Variants in DOCK8 observed in about 807,000 individuals in gnomAD.
The protein encoded by DOCK8 is dedicator of cytokinesis protein 8.
DOCK8 carries 141 observed loss-of-function variants against 245.6 expected under a neutral mutation model. The ratio of observed to expected loss-of-function variants is 0.57; its 90% confidence interval spans 0.50 to 0.66. DOCK8 has a LOEUF of 0.66. DOCK8 is among the 30% of genes least tolerant of loss of function. The pLI is 0.00. For missense variants in DOCK8, 2,965 were observed against 2,603.4 expected (o/e 1.14, Z -3.02); for synonymous variants, 1,168 against 970.2 (o/e 1.20, Z -3.79).
intron 14 of DOCK8, among the ~76,000 whole-genome samples, chr9:349,701 A>G (rs1053073912): frequency 3.9e-5 from 6 of 152,218 alleles, no homozygotes; most frequent in African/African-American, 1.4e-4. Context: ...CTCACAGGAC[A>G]CAGACCAGTT....
chr9:313,604 G>A (rs1055829022), intron 6 of DOCK8, among the ~76,000 whole-genome samples: 3 of 152,216 alleles, frequency 2.0e-5, no homozygotes, highest in African/African-American at 7.2e-5. Flanking sequence ...TATAGCAGGG[G>A]CTGTGGGGAG....
chr9:313,939 TA>T, intron 6 of DOCK8, among the ~76,000 whole-genome samples: 1 of 152,180 alleles, frequency 6.6e-6, no homozygotes, highest in Non-Finnish European at 1.5e-5. Flanking sequence ...ACTTGTCAAT[TA>T]AAAAATAAAT....
intron 1 of DOCK8, among the ~76,000 whole-genome samples, chr9:258,497 T>A (rs1482680525): frequency 6.6e-6 from 1 of 151,890 alleles, no homozygotes; most frequent in East Asian, 1.9e-4. Context: ...AGGGAGTGGG[T>A]GCAAGAGCTC....
intron 1 of DOCK8, among the ~76,000 whole-genome samples, chr9:247,643 C>G (rs1302924938): frequency 6.6e-6 from 1 of 152,144 alleles, no homozygotes; most frequent in Non-Finnish European, 1.5e-5. Context: ...ACGCCCTTCT[C>G]CGGCCTCAGC....
chr9:459,121 A>T (rs934624208), intron 46 of DOCK8, among the ~76,000 whole-genome samples: 1 of 152,226 alleles, frequency 6.6e-6, no homozygotes, highest in African/African-American at 2.4e-5. Flanking sequence ...ACTAAGTGAG[A>T]GCAGCACAGA....
At chr9:258,063 CA>C (rs765503373) in intron 1 of DOCK8, among the ~76,000 whole-genome samples, 23 of 152,018 alleles carry the variant, frequency 1.5e-4, no homozygotes, top group Non-Finnish European at 2.6e-4. Flanking sequence ...CAAGGGCAAA[CA>C]AAAACTTTCT....
At chr9:400,433 C>T (rs1385271071) in intron 26 of DOCK8, among the ~76,000 whole-genome samples, 1 of 45,094 alleles carries the variant, frequency 2.2e-5, no homozygotes, top group Non-Finnish European at 4.7e-5. Context: ...ACCATCACCA[C>T]CACCTCCACC....
At chr9:268,716 A>T (rs1235513955) in intron 1 of DOCK8, among the ~76,000 whole-genome samples, 1 of 152,230 alleles carries the variant, frequency 6.6e-6, no homozygotes, top group Non-Finnish European at 1.5e-5. Flanking sequence ...ATCTGTAAAA[A>T]GGTCAGCTTG....
At chr9:430,459 A>G (rs756301457) in intron 36 of DOCK8, among the ~76,000 whole-genome samples, 6 of 152,068 alleles carry the variant, frequency 3.9e-5, no homozygotes, top group Non-Finnish European at 7.4e-5. Flanking sequence ...AGGCAGGCAG[A>G]TCAGATGAGG....
At chr9:418,902 A>T (rs928119877) in intron 30 of DOCK8, among the ~76,000 whole-genome samples, 7 of 152,234 alleles carry the variant, frequency 4.6e-5, no homozygotes, top group Non-Finnish European at 1.0e-4. Flanking sequence ...AAAAAGACTG[A>T]AGGAGGCTGG....
intron 2 of DOCK8, among the ~76,000 whole-genome samples, chr9:279,506 A>G (rs1591578): frequency 6.6e-6 from 1 of 152,174 alleles, no homozygotes; most frequent in African/African-American, 2.4e-5. Context: ...TATCTGTAAA[A>G]TAGAGGAACG....
At chr9:237,545 C>T (rs2047282560) in intron 1 of DOCK8, among the ~76,000 whole-genome samples, 1 of 152,180 alleles carries the variant, frequency 6.6e-6, no homozygotes, top group Admixed American at 6.5e-5. Context: ...GTCCCAGTTA[C>T]TCAGGAGGCC....
chr9:329,913 C>G (rs1285765923), intron 9 of DOCK8, among the ~76,000 whole-genome samples: 1 of 152,250 alleles, frequency 6.6e-6, no homozygotes, highest in African/African-American at 2.4e-5. Flanking sequence ...TTGAAATCTA[C>G]TCAGCAAGAC....
chr9:441,718 C>T (rs1192944655), intron 41 of DOCK8, among the ~76,000 whole-genome samples, 157 bp from the exon 42 acceptor site: 1 of 152,182 alleles, frequency 6.6e-6, no homozygotes, highest in Non-Finnish European at 1.5e-5. Context: ...GAAGTTTATT[C>T]CATAAGCATT....
intron 36 of DOCK8, 53 bp from the exon 37 acceptor site, chr9:432,113 C>T: frequency 3.1e-6 from 5 of 1,593,812 alleles, no homozygotes; most frequent in Non-Finnish European, 4.3e-6. Flanking sequence ...CAGTTATCTA[C>T]TGCTAAGTGT....
intron 14 of DOCK8, among the ~76,000 whole-genome samples, chr9:346,023 C>A (rs956205105): frequency 6.6e-6 from 1 of 151,924 alleles, no homozygotes; most frequent in Non-Finnish European, 1.5e-5. Context: ...GCGGCTCGGG[C>A]CCTCTGCAGT....
chr9:272,461 C>A (rs1266013697), intron 2 of DOCK8, among the ~76,000 whole-genome samples: 3 of 152,186 alleles, frequency 2.0e-5, no homozygotes, highest in Admixed American at 2.0e-4. Context: ...CAGCTCACTG[C>A]AACCTCAACC....
At chr9:297,765 T>G (rs1041222678) in intron 4 of DOCK8, among the ~76,000 whole-genome samples, 4 of 152,190 alleles carry the variant, frequency 2.6e-5, no homozygotes, top group African/African-American at 9.7e-5. Context: ...GTCAAGGAGC[T>G]TTGAGACTTT....
intron 14 of DOCK8, among the ~76,000 whole-genome samples, chr9:359,143 G>A (rs1023414272): frequency 1.3e-5 from 2 of 152,178 alleles, no homozygotes; most frequent in Non-Finnish European, 2.9e-5. Context: ...TCATTGGACT[G>A]CCCTTTGAGT....
Sources: allele counts gnomAD v4.1 joint callset (sites outside exome capture counted in the v4.1 genomes callset), GRCh38; gene constraint gnomAD v4.1.1; transcripts MANE v1.5; gene names NCBI Gene and HGNC (gene_info 2026-07-23, HGNC 2026-07-21).